The following PDGFD variants were observed in gnomAD, a reference collection of about 807,000 sequenced individuals.
PDGFD encodes platelet derived growth factor D, also known as platelet-derived growth factor D.
Under a neutral mutation model 44.7 loss-of-function variants are expected in PDGFD, and 30 were observed. The ratio of observed to expected loss-of-function variants is 0.67; its 90% CI spans 0.50 to 0.91. PDGFD has a LOEUF of 0.91. PDGFD is among the 40% of genes least tolerant of loss of function. PDGFD has a pLI of 0.00. For synonymous variants in PDGFD, 173 were observed against 168.4 expected, an observed-to-expected ratio of 1.03 and a Z score of -0.21; for missense variants, 445 against 457.8, an observed-to-expected ratio of 0.97 and a Z score of 0.25.
intron 6 of PDGFD, among the ~76,000 whole-genome samples, chr11:103,921,540 T>C (rs1333966157): frequency 2.6e-5 from 4 of 151,970 alleles, no homozygotes; most frequent in East Asian, 1.9e-4. Flanking sequence ...GATAAACCCA[T>C]TGGAGGTTAA....
intron 1 of PDGFD, among the ~76,000 whole-genome samples, chr11:104,027,976 G>A (rs187070439): frequency 8.7e-4 from 133 of 152,150 alleles, no homozygotes; most frequent in African/African-American, 2.8e-3. Flanking sequence ...GGATCAAGAG[G>A]TCAGGAGATC....
At chr11:104,027,434 C>T (rs917168405) in intron 1 of PDGFD, among the ~76,000 whole-genome samples, 2 of 152,180 alleles carry the variant, frequency 1.3e-5, no homozygotes, top group South Asian at 2.1e-4. Flanking sequence ...TGGTAGAGTG[C>T]TTTTCTATTT....
chr11:104,023,630 A>T (rs929222040), intron 1 of PDGFD, among the ~76,000 whole-genome samples: 3 of 152,184 alleles, frequency 2.0e-5, no homozygotes, highest in African/African-American at 7.2e-5. Context: ...TCTACTGTTA[A>T]GAAATGTCAC....
chr11:103,981,958 T>C (rs1270418511), intron 3 of PDGFD, among the ~76,000 whole-genome samples: 1 of 151,816 alleles, frequency 6.6e-6, no homozygotes, highest in Non-Finnish European at 1.5e-5. Context: ...ACTATATGCC[T>C]CTTAGAGTTT....
intron 1 of PDGFD, 70 bp downstream of exon 1, chr11:104,163,734 A>C: frequency 2.1e-6 from 3 of 1,442,894 alleles, no homozygotes; most frequent in South Asian, 1.6e-5. Flanking sequence ...AAGGGGAAAA[A>C]CATAGAAAGA....
intron 1 of PDGFD, among the ~76,000 whole-genome samples, chr11:104,117,641 A>G (rs1420497604): frequency 1.3e-5 from 2 of 152,026 alleles, no homozygotes; most frequent in Non-Finnish European, 2.9e-5. Context: ...AAATAACTGC[A>G]AAATAAATAG....
At chr11:103,964,288 C>G (rs1347055150) in intron 3 of PDGFD, among the ~76,000 whole-genome samples, 1 of 152,138 alleles carries the variant, frequency 6.6e-6, no homozygotes, top group African/African-American at 2.4e-5. Context: ...ACATGCGGCT[C>G]AGCTACAGGT....
intron 6 of PDGFD, among the ~76,000 whole-genome samples, chr11:103,915,233 A>G (rs1858102137): frequency 6.6e-6 from 1 of 152,244 alleles, no homozygotes; most frequent in African/African-American, 2.4e-5. Context: ...TAAGCTGATA[A>G]GCAACTTCAG....
chr11:104,063,676 G>A (rs996901572), intron 1 of PDGFD, among the ~76,000 whole-genome samples: 3 of 152,100 alleles, frequency 2.0e-5, no homozygotes, highest in Non-Finnish European at 4.4e-5. Flanking sequence ...AAGGTAAAGG[G>A]GAAGCAAGGC....
intron 1 of PDGFD, among the ~76,000 whole-genome samples, chr11:104,159,003 A>G (rs1236115925): frequency 6.6e-6 from 1 of 151,738 alleles, no homozygotes; most frequent in Non-Finnish European, 1.5e-5. Context: ...AATTACAAAA[A>G]TTAGCCCGAG....
intron 1 of PDGFD, among the ~76,000 whole-genome samples, chr11:104,148,309 A>T (rs1862192223): frequency 6.6e-6 from 1 of 152,150 alleles, no homozygotes; most frequent in African/African-American, 2.4e-5. Flanking sequence ...TCATAAATTA[A>T]TTTTTTATGT....
chr11:104,058,647 G>T (rs1565323235), intron 1 of PDGFD, among the ~76,000 whole-genome samples: 1 of 152,096 alleles, frequency 6.6e-6, no homozygotes, highest in Non-Finnish European at 1.5e-5. Context: ...TTTATGCCAA[G>T]GAAATAACAA....
chr11:104,158,202 A>G (rs11226208), intron 1 of PDGFD, among the ~76,000 whole-genome samples: 6 of 152,362 alleles, frequency 3.9e-5, no homozygotes, highest in East Asian at 1.9e-4. Flanking sequence ...CATTTTCTCA[A>G]GTAAAACTCT....
At chr11:103,969,623 T>C (rs1380416769) in intron 3 of PDGFD, among the ~76,000 whole-genome samples, 2 of 151,906 alleles carry the variant, frequency 1.3e-5, no homozygotes, top group Non-Finnish European at 2.9e-5. Context: ...TGTGATATGT[T>C]AGAGCTACTC....
At chr11:104,127,978 G>A (rs1382274722) in intron 1 of PDGFD, among the ~76,000 whole-genome samples, 1 of 152,066 alleles carries the variant, frequency 6.6e-6, no homozygotes, top group African/African-American at 2.4e-5. Context: ...GAAAGTGATT[G>A]GCCCAGCTTG....
rs1858682013 is a variant in PDGFD, at chr11:103,947,413, T to C, written c.573+249A>G. On this transcript the variant is annotated intron_variant, in intron 4 of 6. Transcript: ENST00000393158. Reference sequence around the variant, plus strand: ...TGCTCTGCTCTGAAAATGAAAAATATTTAAGTTATTACCTAGTGTGAGTTC... The same window carrying C: ...TGCTCTGCTCTGAAAATGAAAAATACTTAAGTTATTACCTAGTGTGAGTTC... Among the ~76,000 whole-genome samples, 2 of 151,216 alleles carry C rather than the reference T, an allele frequency of 1.3e-5. 1 individual carries two copies. Among genetic ancestry groups the C allele is most frequent in the South Asian group, 4.2e-4 (2 of 4,814 alleles).
At chr11:104,119,243 A>G (rs1324678298) in intron 1 of PDGFD, among the ~76,000 whole-genome samples, 12 of 17,568 alleles carry the variant, frequency 6.8e-4, no homozygotes, top group Admixed American at 1.5e-3. Context: ...ATAATATATT[A>G]ATATAATATA....
chr11:103,965,009 ATTC>A (rs1858993273), intron 3 of PDGFD, among the ~76,000 whole-genome samples: 1 of 151,562 alleles, frequency 6.6e-6, no homozygotes, highest in East Asian at 1.9e-4. Flanking sequence ...ATAAACAGTA[ATTC>A]TTCTTTCAAC....
chr11:104,119,842 A>G (rs1591174908), intron 1 of PDGFD, among the ~76,000 whole-genome samples: 1 of 108,970 alleles, frequency 9.2e-6, no homozygotes, highest in Admixed American at 1.2e-4. Flanking sequence ...ATCAATTATT[A>G]TATATTATAT....
Sources: allele counts gnomAD v4.1 joint callset (sites outside exome capture counted in the v4.1 genomes callset), GRCh38; gene constraint gnomAD v4.1.1; transcripts MANE v1.5; gene names NCBI Gene and HGNC (gene_info 2026-07-23, HGNC 2026-07-21).